The following XIAP variants were observed in gnomAD, a reference collection of about 807,000 sequenced individuals.
XIAP encodes the protein E3 ubiquitin-protein ligase XIAP.
In XIAP, 3 loss-of-function variants were observed where a neutral mutation model predicts 33.1. That is an observed-to-expected ratio of 0.09 (90% CI 0.04 to 0.23). The LOEUF (loss-of-function observed/expected upper bound fraction) is 0.23. Ranked by LOEUF, XIAP falls within the 10% of genes least tolerant of loss-of-function variation. The probability of loss-of-function intolerance (pLI) is 1.00; values close to 1 mark genes in which losing one functional copy is unlikely to be tolerated. For synonymous variants in XIAP, 98 were observed against 121.3 expected, an observed-to-expected ratio of 0.81 and a Z score of 1.26; for missense variants, 264 against 363.0, an observed-to-expected ratio of 0.73 and a Z score of 2.22.
intron 4 of XIAP, 108 bp from the exon 5 acceptor site, chrX:123,892,623 G>A: frequency 3.0e-6 from 2 of 663,241 alleles, no homozygotes; most frequent in East Asian, 3.5e-5. Flanking sequence ...ATATTGAATT[G>A]GAATAAAGCC....
intron 2 of XIAP, among the ~76,000 whole-genome samples, chrX:123,887,225 G>A (rs1365663189): frequency 9.0e-6 from 1 of 110,873 alleles, no homozygotes; most frequent in Non-Finnish European, 1.9e-5. Context: ...GCTAATTTTT[G>A]TACTTTTAGT....
rs1004421093 is a variant in XIAP, at chrX:123,912,859, T to C, written c.*5678T>C. The C allele has an allele frequency of 9.2e-6, 3 of 324,400 alleles. No individual in the cohort carries two copies. The highest frequency in any genetic ancestry group is 5.4e-5 in the African/African-American group (2 of 37,238). The allele number at this position is 324,400 out of a possible 1,213,427, so 26.7% of individuals were successfully genotyped here. On this transcript the variant is annotated 3_prime_UTR_variant, in exon 7 of 7. Coordinates refer to ENST00000371199, the MANE Select transcript of XIAP (RefSeq NM_001167.4). The stretch of plus-strand genomic sequence containing the variant: ...TTAGTAGAGACAGGGTTTCACCATG[T>C]TGGCCAGGCTAGTCTTGAATTTCTG...
intron 1 of XIAP, among the ~76,000 whole-genome samples, chrX:123,882,156 T>C (rs1391802394): frequency 8.9e-6 from 1 of 112,073 alleles, no homozygotes; most frequent in African/African-American, 3.2e-5. Context: ...TTCAGGATAA[T>C]TATAGACTTG....
Position 123,860,355 on chromosome X carries a change from C to T in XIAP, c.-33+62C>T. ...TTTCCCTCCTTCCCCTCTCCTCCCT[C>T]CCCTCTTCTTTTCCCCTCCACTTCC... On this transcript the variant is annotated intron_variant, in intron 1 of 6. Transcript: ENST00000371199. 7 of 323,294 alleles carry T rather than the reference C, an allele frequency of 2.2e-5. 1 individual carries two copies. The highest frequency in any genetic ancestry group is 1.6e-4 in the South Asian group (6 of 37,988). The allele number at this position is 323,294 out of a possible 1,213,427, so 26.6% of individuals were successfully genotyped here.
chrX:123,903,136 T>C (rs1002355414), intron 6 of XIAP, among the ~76,000 whole-genome samples: 1 of 108,958 alleles, frequency 9.2e-6, no homozygotes, highest in Non-Finnish European at 1.9e-5. Context: ...TGATATGGTA[T>C]CACAAACAAT....
In XIAP at chrX:123,868,981, G is replaced by T. The variant is rs200770743; in HGVS notation, c.-33+8688G>T. ...GTTATGGATACATGTGATTCACCTT[G>T]TTATGATATAGTTTTATGTATTTTC... On this transcript the variant is annotated intron_variant, in intron 1 of 6. Transcript: ENST00000371199. Among the ~76,000 whole-genome samples, 20 of 110,517 alleles carry T rather than the reference G, an allele frequency of 1.8e-4. No homozygotes were observed. In the East Asian group the frequency reaches 5.1e-3, roughly 28 times the overall value.
In XIAP at chrX:123,909,433, C is replaced by T. The variant is rs1390324639; in HGVS notation, c.*2252C>T. On this transcript the variant is annotated 3_prime_UTR_variant, in exon 7 of 7. Transcript: ENST00000371199. ...CAGTTCTTCACCTTTGCACTGTCTG[C>T]CACTTAGTTTGGTTATATAGTCATT... is the stretch of plus-strand genomic sequence containing the variant. The T allele has an allele frequency of 3.1e-6, 1 of 326,404 alleles. No homozygotes were observed. The highest frequency in any genetic ancestry group is 9.8e-5 in the East Asian group (1 of 10,248). 26.9% of individuals were successfully genotyped at this position (326,404 alleles called of 1,213,427 possible).
chrX:123,875,991 A>G (rs1471609108), intron 1 of XIAP, among the ~76,000 whole-genome samples: 4 of 111,467 alleles, frequency 3.6e-5, no homozygotes, highest in Non-Finnish European at 7.5e-5. Context: ...CAGCCTTCTT[A>G]TAGATTTATA....
intron 1 of XIAP, among the ~76,000 whole-genome samples, chrX:123,878,126 A>G (rs1198084228): frequency 8.9e-6 from 1 of 112,101 alleles, no homozygotes; most frequent in African/African-American, 3.2e-5. Flanking sequence ...CCATATCAAA[A>G]GCACGTAATT....
At chrX:123,893,436 T>G (rs767153317) in intron 5 of XIAP, among the ~76,000 whole-genome samples, 1 of 109,781 alleles carries the variant, frequency 9.1e-6, no homozygotes, top group African/African-American at 3.3e-5. Context: ...GGCAGGAGAA[T>G]TGCCTGGCCT....
intron 1 of XIAP, among the ~76,000 whole-genome samples, chrX:123,884,452 C>T (rs1275603040): frequency 9.7e-6 from 1 of 102,690 alleles, no homozygotes; most frequent in Non-Finnish European, 2.0e-5. Flanking sequence ...CATTGCACTC[C>T]AGCCTGGGCA....
chrX:123,859,724 A>G (rs2053060174), upstream of XIAP: 2 of 181,017 alleles, frequency 1.1e-5, no homozygotes, highest in South Asian at 1.3e-4. Context: ...CTCACTGCGC[A>G]TGTGCGCGCG....
intron 5 of XIAP, among the ~76,000 whole-genome samples, chrX:123,899,155 A>ATATATATATATGATTT (rs1226070926): frequency 1.3e-4 from 4 of 30,501 alleles, no homozygotes; most frequent in Non-Finnish European, 1.7e-4. Flanking sequence ...ATATATATAT[A>ATATATATATATGATTT]TATATATATA....
chrX:123,903,635 TGTTTTTTG>T (rs1569479503), intron 6 of XIAP, among the ~76,000 whole-genome samples: 1 of 72,520 alleles, frequency 1.4e-5, no homozygotes, highest in Admixed American at 1.6e-4. Flanking sequence ...TTTTTTGTTT[TGTTTTTTG>T]TTTTTTTTAG....
chrX:123,896,229 G>A (rs372067685), intron 5 of XIAP, among the ~76,000 whole-genome samples: 1 of 109,920 alleles, frequency 9.1e-6, no homozygotes, highest in East Asian at 2.9e-4. Flanking sequence ...ACCACACCCA[G>A]TTAATTTTTG....
intron 1 of XIAP, among the ~76,000 whole-genome samples, chrX:123,862,418 C>T (rs2053089443): frequency 9.4e-6 from 1 of 106,653 alleles, no homozygotes; most frequent in African/African-American, 3.4e-5. Flanking sequence ...GTTTCCCAGG[C>T]TGGAGTGCAA....
chrX:123,864,267 A>AGACCAAATG (rs2053107611), intron 1 of XIAP, among the ~76,000 whole-genome samples: 1 of 107,815 alleles, frequency 9.3e-6, no homozygotes, highest in African/African-American at 3.4e-5. Context: ...ATGTTTAGCG[A>AGACCAAATG]TAAAATAATG....
intron 1 of XIAP, among the ~76,000 whole-genome samples, chrX:123,879,462 G>A (rs184907871): frequency 2.6e-4 from 28 of 107,132 alleles, no homozygotes; most frequent in Admixed American, 8.1e-4. Context: ...GACTACAGGC[G>A]CCCGCCACCA....
rs192680432 is a variant in XIAP at position 123,896,702 on chromosome X, T to C, written c.1100-3791T>C. 8.4e-5 allele frequency among the ~76,000 whole-genome samples: 9 copies of C among 106,789 alleles called. No individual in the cohort carries two copies. In the East Asian group the frequency reaches 2.4e-3, roughly 29 times the overall value. 92.7% of individuals were successfully genotyped at this position (106,789 alleles called of 115,157 possible). On this transcript the variant is annotated intron_variant, in intron 5 of 6. Coordinates refer to ENST00000371199, the MANE Select transcript of XIAP (RefSeq NM_001167.4). ...CTCAAGCAATTCTCCTTCCTTAGCC[T>C]CCAGAGTAGCTGTGATTACAGGTGT... is the stretch of plus-strand genomic sequence containing the variant.
Sources: gnomAD v4.1 joint callset for allele counts (sites outside exome capture counted in the v4.1 genomes callset) on GRCh38, gnomAD v4.1.1 for gene constraint, MANE v1.5 for transcripts, NCBI Gene and HGNC (gene_info 2026-07-23, HGNC 2026-07-21) for gene names.